XRCC4: variants seen among roughly 807,000 people sequenced by gnomAD.
XRCC4 encodes X-ray repair cross complementing 4, also known as DNA repair protein XRCC4.
In XRCC4, 28 loss-of-function variants were observed where a neutral mutation model predicts 39.1. That is an observed-to-expected ratio of 0.72 (90% CI 0.53 to 0.98). The LOEUF (loss-of-function observed/expected upper bound fraction) is 0.98. Ranked by LOEUF, XRCC4 falls within the 50% of genes least tolerant of loss-of-function variation. The pLI is 0.00. For synonymous variants in XRCC4, 123 were observed against 126.4 expected, an observed-to-expected ratio of 0.97 and a Z score of 0.18; for missense variants, 350 against 376.4, an observed-to-expected ratio of 0.93 and a Z score of 0.58.
intron 7 of XRCC4, among the ~76,000 whole-genome samples, chr5:83,299,243 T>C (rs1755193290): frequency 6.6e-6 from 1 of 152,132 alleles, no homozygotes. Context: ...TTTAATTTCA[T>C]AGGAAGTTGA....
intron 3 of XRCC4, among the ~76,000 whole-genome samples, chr5:83,118,327 G>A (rs1746840686): frequency 6.6e-6 from 1 of 150,778 alleles, no homozygotes; most frequent in African/African-American, 2.4e-5. Context: ...ATTGAGACAG[G>A]GTCACACTTT....
the XRCC4 span, among the ~76,000 whole-genome samples, chr5:83,368,105 G>A: frequency 3.2e-4 from 49 of 151,598 alleles, no homozygotes; most frequent in African/African-American, 1.2e-3. Context: ...TGCTGTGATT[G>A]GGTAGGATTC....
chr5:83,098,152 C>T (rs1745765044), intron 1 of XRCC4, among the ~76,000 whole-genome samples: 1 of 152,042 alleles, frequency 6.6e-6, no homozygotes, highest in Non-Finnish European at 1.5e-5. Flanking sequence ...CAGCAACTGG[C>T]ATTCCACAGT....
chr5:83,125,476 G>C (rs1237494565), intron 3 of XRCC4, among the ~76,000 whole-genome samples: 1 of 152,144 alleles, frequency 6.6e-6, no homozygotes, highest in Non-Finnish European at 1.5e-5. Flanking sequence ...TGAGGTTGAG[G>C]TTCACTTTCT....
chr5:83,268,387 G>A (rs1347946068), intron 7 of XRCC4, among the ~76,000 whole-genome samples: 5 of 152,194 alleles, frequency 3.3e-5, no homozygotes, highest in Admixed American at 3.3e-4. Context: ...GACTGGAAAA[G>A]CTCCCTTTTC....
At chr5:83,219,933 C>T (rs1752017139) in intron 6 of XRCC4, among the ~76,000 whole-genome samples, 1 of 151,816 alleles carries the variant, frequency 6.6e-6, no homozygotes, top group Admixed American at 6.6e-5. Flanking sequence ...TCTTGAGGTT[C>T]TCAAGTTTTA....
At chr5:83,221,739 T>C (rs1030943693) in intron 6 of XRCC4, among the ~76,000 whole-genome samples, 2 of 151,848 alleles carry the variant, frequency 1.3e-5, no homozygotes, top group African/African-American at 4.8e-5. Context: ...GTTAAAAGGT[T>C]ATTAAGTATT....
intron 3 of XRCC4, among the ~76,000 whole-genome samples, chr5:83,150,524 C>G (rs1348124272): frequency 6.6e-6 from 1 of 152,042 alleles, no homozygotes; most frequent in Non-Finnish European, 1.5e-5. Flanking sequence ...AAAAAGCTTG[C>G]TGAAAGATGA....
intron 7 of XRCC4, among the ~76,000 whole-genome samples, chr5:83,277,883 C>G (rs1024339097): frequency 6.6e-6 from 1 of 152,076 alleles, no homozygotes; most frequent in African/African-American, 2.4e-5. Context: ...AATTTAATAT[C>G]TTGTTTAAGA....
At chr5:83,188,144 G>T (rs1469185842) in intron 3 of XRCC4, among the ~76,000 whole-genome samples, 1 of 152,106 alleles carries the variant, frequency 6.6e-6, no homozygotes, top group Non-Finnish European at 1.5e-5. Flanking sequence ...AGGAGTCCAG[G>T]TATGGCATTG....
intron 3 of XRCC4, among the ~76,000 whole-genome samples, chr5:83,136,795 A>G (rs1296208178): frequency 6.6e-6 from 1 of 152,126 alleles, no homozygotes; most frequent in African/African-American, 2.4e-5. Flanking sequence ...TTAAATAGGC[A>G]TTTTCTTTAT....
chr5:83,233,586 C>G (rs1752574578), intron 6 of XRCC4, among the ~76,000 whole-genome samples: 1 of 151,722 alleles, frequency 6.6e-6, no homozygotes, highest in South Asian at 2.1e-4. Flanking sequence ...TCTAGAACTT[C>G]TATATATAAA....
chr5:83,080,417 T>G (rs1744881896), intron 1 of XRCC4, among the ~76,000 whole-genome samples: 1 of 151,704 alleles, frequency 6.6e-6, no homozygotes, highest in Non-Finnish European at 1.5e-5. Context: ...TCCCAGCTAG[T>G]CAGGAGGCTG....
chr5:83,136,086 A>G lies in XRCC4; in HGVS notation c.315+24883A>G, dbSNP rs1747883303. 2.0e-5 allele frequency among the ~76,000 whole-genome samples: 3 copies of G among 152,224 alleles called. No homozygotes were observed. In the South Asian group the frequency reaches 6.2e-4, roughly 32 times the overall value. ...TGCTTTTAAGCTTTGTTAAACAGGA[A>G]CAAACATTTATTTTAGGTTTAATTT... On this transcript the variant is annotated intron_variant, in intron 3 of 7. Transcript: ENST00000396027.
chr5:83,127,740 T>A (rs985227611), intron 3 of XRCC4, among the ~76,000 whole-genome samples: 2 of 152,146 alleles, frequency 1.3e-5, no homozygotes, highest in African/African-American at 4.8e-5. Context: ...TTTTCTTCTG[T>A]TTGAAGGACT....
At chr5:83,305,872 TA>T (rs766385751) in intron 7 of XRCC4, among the ~76,000 whole-genome samples, 18 of 152,144 alleles carry the variant, frequency 1.2e-4, no homozygotes, top group Non-Finnish European at 4.4e-5. Flanking sequence ...AAGTATTTTT[TA>T]AACGAAAAAT....
chr5:83,205,716 C>T (rs369494837), intron 6 of XRCC4, among the ~76,000 whole-genome samples: 8 of 151,962 alleles, frequency 5.3e-5, no homozygotes, highest in East Asian at 3.9e-4. Flanking sequence ...AAATTGTAGT[C>T]AGGGAAACAT....
intron 1 of XRCC4, among the ~76,000 whole-genome samples, chr5:83,091,497 C>G (rs1580203674): frequency 1.3e-5 from 2 of 152,122 alleles, no homozygotes; most frequent in East Asian, 3.9e-4. Context: ...GGGGACACAG[C>G]CAAACCATAT....
chr5:83,266,171 G>T (rs760682436), intron 7 of XRCC4, among the ~76,000 whole-genome samples: 14 of 151,434 alleles, frequency 9.2e-5, no homozygotes, highest in African/African-American at 3.4e-4. Context: ...ATACATGGCC[G>T]GCAAAGTTAT....
Sources: allele counts gnomAD v4.1 joint callset (sites outside exome capture counted in the v4.1 genomes callset), GRCh38; gene constraint gnomAD v4.1.1; transcripts MANE v1.5; gene names NCBI Gene and HGNC (gene_info 2026-07-23, HGNC 2026-07-21).